ANK2: variants seen among roughly 807,000 people sequenced by gnomAD.
ANK2 encodes the protein ankyrin 2.
In ANK2, 83 loss-of-function variants were observed where a neutral mutation model predicts 360.5. The observed-to-expected ratio is 0.23, with a 90% CI of 0.19 to 0.28. The LOEUF is 0.28. ANK2 is among the 10% of genes least tolerant of loss of function. The pLI, the probability that ANK2 is intolerant of heterozygous loss-of-function variation, is 1.00. For synonymous variants in ANK2, 1,740 were observed against 1,759.5 expected, an observed-to-expected ratio of 0.99 and a Z score of 0.28; for missense variants, 4,201 against 4,795.7, an observed-to-expected ratio of 0.88 and a Z score of 3.66.
At chr4:112,990,216 C>A (rs1293058472) in intron 2 of ANK2, among the ~76,000 whole-genome samples, 2 of 152,070 alleles carry the variant, frequency 1.3e-5, no homozygotes, top group Admixed American at 6.6e-5. Context: ...CTCTAGTGAG[C>A]CATGATTGTG....
intron 1 of ANK2, among the ~76,000 whole-genome samples, chr4:113,051,875 C>T (rs1315215169): frequency 6.6e-6 from 1 of 152,056 alleles, no homozygotes; most frequent in Non-Finnish European, 1.5e-5. Flanking sequence ...GTATTTAAAA[C>T]ATATAGTCAA....
intron 2 of ANK2, among the ~76,000 whole-genome samples, chr4:113,000,762 C>G (rs1240338708): frequency 6.6e-6 from 1 of 152,190 alleles, no homozygotes; most frequent in African/African-American, 2.4e-5. Context: ...TAACTCAAAA[C>G]TGTCATTTCC....
At chr4:113,036,462 G>A (rs977115493) in intron 2 of ANK2, among the ~76,000 whole-genome samples, 2 of 151,856 alleles carry the variant, frequency 1.3e-5, no homozygotes, top group African/African-American at 4.8e-5. Context: ...TGAGTGTGCT[G>A]ACCTTCAGCC....
intron 1 of ANK2, chr4:112,826,888 CAG>C (rs1383860306): frequency 6.6e-7 from 1 of 1,504,352 alleles, no homozygotes; most frequent in African/African-American, 1.4e-5. Flanking sequence ...ACTTCTATGG[CAG>C]GGGTCAACCT....
At chr4:113,342,691 C>T (rs907985924) in intron 33 of ANK2, among the ~76,000 whole-genome samples, 2 of 149,468 alleles carry the variant, frequency 1.3e-5, no homozygotes, top group Non-Finnish European at 3.0e-5. Flanking sequence ...CAGAGTGAGA[C>T]TCCGTCTCAA....
At chr4:112,802,927 C>T in the ANK2 span, among the ~76,000 whole-genome samples, 12 of 152,196 alleles carry the variant, frequency 7.9e-5, no homozygotes, top group Admixed American at 7.9e-4. Context: ...TCCAACATTA[C>T]ATCTCTTATC....
intron 1 of ANK2, among the ~76,000 whole-genome samples, chr4:112,886,598 G>A (rs913525250): frequency 6.6e-6 from 1 of 152,094 alleles, no homozygotes; most frequent in African/African-American, 2.4e-5. Context: ...GGAAGTGGAA[G>A]TTGCAGTGAG....
At chr4:112,950,857 C>T (rs1460068287) in intron 2 of ANK2, among the ~76,000 whole-genome samples, 5 of 150,328 alleles carry the variant, frequency 3.3e-5, no homozygotes, top group East Asian at 2.0e-4. Context: ...CCGAAGCGGG[C>T]GGATCACGAG....
the ANK2 span, among the ~76,000 whole-genome samples, chr4:112,777,532 C>A: frequency 6.6e-6 from 1 of 151,504 alleles, no homozygotes; most frequent in Non-Finnish European, 1.5e-5. Context: ...TGAGCCACAG[C>A]GCCTGGCATG....
At chr4:113,128,310 T>A (rs2095795302) in intron 1 of ANK2, among the ~76,000 whole-genome samples, 2 of 152,208 alleles carry the variant, frequency 1.3e-5, no homozygotes. Flanking sequence ...TGCACACGTA[T>A]ACGAAACAGA....
At chr4:112,783,712 C>T in the ANK2 span, among the ~76,000 whole-genome samples, 3 of 151,374 alleles carry the variant, frequency 2.0e-5, no homozygotes, top group Non-Finnish European at 2.9e-5. Context: ...AATGCAGTGG[C>T]GCGATCGGCT....
intron 4 of ANK2, among the ~76,000 whole-genome samples, chr4:113,222,666 C>A (rs1006091520): frequency 1.3e-5 from 2 of 151,972 alleles, no homozygotes; most frequent in Non-Finnish European, 2.9e-5. Context: ...CAGTCTCATT[C>A]GTAAAAGGAG....
Position 113,311,377 on chromosome 4 carries a change from T to C in ANK2, c.2671T>C (p.Leu891=), listed in dbSNP as rs2153819592. ...TGGTATGAATTACCTGCGATACAGCTTGGAGGGAGGACGATCTGACAGGTA... is the reference window on the plus strand; with the variant it reads ...TGGTATGAATTACCTGCGATACAGCCTGGAGGGAGGACGATCTGACAGGTA... ...LDGMNYLRYS[L]EGGRSDSLRS... Residue 891 remains leucine, a synonymous_variant, in exon 24 of 46, where the codon TTG becomes CTG. Transcript: ENST00000357077. 1 of 1,614,078 alleles carries C rather than the reference T, an allele frequency of 6.2e-7. No individual in the cohort carries two copies. Among genetic ancestry groups the C allele is most frequent in the African/African-American group, 1.3e-5 (1 of 75,022 alleles).
At chr4:113,132,094 G>A (rs1249357808) in intron 1 of ANK2, among the ~76,000 whole-genome samples, 1 of 152,112 alleles carries the variant, frequency 6.6e-6, no homozygotes, top group Non-Finnish European at 1.5e-5. Context: ...ATTCAGAGAT[G>A]TCACAAGTAT....
chr4:112,913,074 T>C (rs1390184018), intron 2 of ANK2, among the ~76,000 whole-genome samples: 1 of 152,238 alleles, frequency 6.6e-6, no homozygotes, highest in East Asian at 1.9e-4. Flanking sequence ...GGGATGCCTA[T>C]GTAACCGTAA....
At chr4:112,938,025 C>T (rs765239274) in intron 2 of ANK2, among the ~76,000 whole-genome samples, 3 of 152,104 alleles carry the variant, frequency 2.0e-5, no homozygotes, top group Non-Finnish European at 4.4e-5. Flanking sequence ...ATAGTGGGCA[C>T]AAAGTTAAAA....
chr4:113,350,373 A>G (rs940996582), intron 37 of ANK2, 124 bp downstream of exon 37: 12 of 752,996 alleles, frequency 1.6e-5, no homozygotes, highest in Non-Finnish European at 2.5e-5. Flanking sequence ...TATTATCCTT[A>G]TTAATCATTA....
intron 17 of ANK2, among the ~76,000 whole-genome samples, chr4:113,278,981 T>A (rs29384): frequency 0.029 from 4,355 of 152,246 alleles, 102 homozygotes; most frequent in East Asian, 0.069. Flanking sequence ...TCTTTTTTTT[T>A]AATGTTTTAC....
chr4:113,276,852 T>C (rs1183502039), intron 15 of ANK2, among the ~76,000 whole-genome samples: 1 of 152,184 alleles, frequency 6.6e-6, no homozygotes, highest in East Asian at 1.9e-4. Flanking sequence ...GGATAAGCCA[T>C]GGCTTAGAGC....
Sources: allele counts gnomAD v4.1 joint callset (sites outside exome capture counted in the v4.1 genomes callset), GRCh38; gene constraint gnomAD v4.1.1; transcripts MANE v1.5; gene names NCBI Gene and HGNC (gene_info 2026-07-23, HGNC 2026-07-21).